TTC31: variants seen among roughly 807,000 people sequenced by gnomAD.
TTC31 encodes tetratricopeptide repeat protein 31.
A neutral mutation model predicts 60.4 loss-of-function variants in TTC31; 59 were observed. The observed-to-expected ratio is 0.98, with a 90% confidence interval of 0.79 to 1.21. The LOEUF (loss-of-function observed/expected upper bound fraction) is 1.21. TTC31 is among the 50% of genes most tolerant of loss of function. The pLI is 0.00. For synonymous variants in TTC31, 225 were observed against 249.6 expected (o/e 0.90, Z 0.93); for missense variants, 672 against 646.9 (o/e 1.04, Z -0.42).
In TTC31 at chr2:74,486,616, AGT is replaced by A. The variant is rs549412933; in HGVS notation, c.129+3210_129+3211del. ...CCTTCTAAAAGTAGTGGTCAGGCCA[AGT>A]GTGGTGGCTCACGCCTGTAATCCCA... On this transcript the variant is annotated intron_variant, in intron 2 of 12. Transcript: ENST00000233623. Among the ~76,000 whole-genome samples, 446 of 152,150 alleles carry A rather than the reference AGT, an allele frequency of 2.9e-3. 2 individuals are homozygous for A. Among genetic ancestry groups the A allele is most frequent in the African/African-American group, 0.01 (433 of 41,520 alleles).
intron 11 of TTC31, 88 bp from the exon 12 acceptor site, chr2:74,492,558 G>C: frequency 3.2e-6 from 5 of 1,565,126 alleles, no homozygotes; most frequent in Non-Finnish European, 4.4e-6. Flanking sequence ...AATGGTTGTG[G>C]TACTAGGAGC....
intron 8 of TTC31, 127 bp from the exon 9 acceptor site, chr2:74,491,877 G>C (rs1673936162): frequency 3.3e-6 from 5 of 1,508,138 alleles, no homozygotes; most frequent in South Asian, 1.2e-5. Context: ...ATACCATCTT[G>C]TAGGGCTGTC....
chr2:74,491,503 C>G lies in TTC31; in HGVS notation c.707C>G (p.Thr236Ser). ...CAGGACTCACTGGATCTATCTAGCA[C>G]TTTTGTGTCTCTGGCTTTGCGCAAG... ...EEEDSLDLSS[T>S]FVSLALRKVG... Residue 236 changes from threonine to serine, a missense_variant, in exon 8 of 13, where the codon ACT becomes AGT. Transcript: ENST00000233623. 6.2e-7 allele frequency: 1 copy of G among 1,613,156 alleles called. No individual in the cohort carries two copies. The highest frequency in any genetic ancestry group is 8.5e-7 in the Non-Finnish European group (1 of 1,179,616).
intron 2 of TTC31, 52 bp from the exon 3 acceptor site, chr2:74,489,973 T>C: frequency 7.4e-7 from 1 of 1,356,032 alleles, no homozygotes; most frequent in South Asian, 1.3e-5. Flanking sequence ...CCTTGCTCTC[T>C]CCAGGAACTG....
At chr2:74,488,383 A>G (rs772022692) in intron 2 of TTC31, among the ~76,000 whole-genome samples, 3 of 152,196 alleles carry the variant, frequency 2.0e-5, no homozygotes, top group African/African-American at 4.8e-5. Flanking sequence ...CTTCTAACTC[A>G]ATAAGTCCAA....
Position 74,490,145 on chromosome 2 carries a change from C to T in TTC31, c.232+18C>T, listed in dbSNP as rs563430635. 1.0e-4 allele frequency: 164 copies of T among 1,605,794 alleles called. No individual in the cohort carries two copies. Among genetic ancestry groups the T allele is most frequent in the South Asian group, 9.3e-4 (84 of 90,170 alleles). On this transcript the variant is annotated intron_variant, in intron 3 of 12. Coordinates refer to ENST00000233623, the MANE Select transcript of TTC31 (RefSeq NM_022492.6). ...GCACCATGGTGGGGAGTGCAGGGAC[C>T]GGGCCCAGGGATCGAGGCTGGTACC...
chr2:74,493,239 G>T lies in TTC31; in HGVS notation c.*21G>T, dbSNP rs545843734. On this transcript the variant is annotated 3_prime_UTR_variant, in exon 13 of 13. Coordinates refer to ENST00000233623, the MANE Select transcript of TTC31 (RefSeq NM_022492.6). ...GATGAGGGGGCACCGGTCCCTCATA[G>T]GGCAGGGCCATGTATATATCCCTTG... 6.2e-7 allele frequency: 1 copy of T among 1,611,816 alleles called. No homozygotes were observed. The highest frequency in any genetic ancestry group is 8.5e-7 in the Non-Finnish European group (1 of 1,178,356).
intron 2 of TTC31, among the ~76,000 whole-genome samples, chr2:74,485,469 C>CTTTTTTT (rs367876253): frequency 8.7e-6 from 1 of 115,300 alleles, no homozygotes. Context: ...AGCAGTATTT[C>CTTTTTTT]TTTTTTTTTT....
Position 74,490,731 on chromosome 2 carries a change from A to C in TTC31, c.538A>C (p.Lys180Gln), listed in dbSNP as rs780287674. ...ACAGAAAGCAGAGAAAAAGCGACTCAAGAAGAAGGTGGCTAGAGCATGGCT... is the reference window on the plus strand; with the variant it reads ...ACAGAAAGCAGAGAAAAAGCGACTCCAGAAGAAGGTGGCTAGAGCATGGCT... ...MKQKAEKKRLKKKRQKERKRQ... is the reference protein window; with the variant it reads ...MKQKAEKKRLQKKRQKERKRQ... The change falls in exon 5 of 13, where the codon AAG (lysine) becomes CAG (glutamine). Residue 180 changes from lysine to glutamine, a missense_variant. Lys to Gln is a moderately conservative substitution (Grantham distance 53). Coordinates refer to ENST00000233623, the MANE Select transcript of TTC31 (RefSeq NM_022492.6). 2.5e-6 allele frequency: 4 copies of C among 1,612,984 alleles called. No individual in the cohort carries two copies. The highest frequency in any genetic ancestry group is 3.4e-6 in the Non-Finnish European group (4 of 1,179,538).
chr2:74,486,050 G>C (rs1673073413), intron 2 of TTC31, among the ~76,000 whole-genome samples: 1 of 151,892 alleles, frequency 6.6e-6, no homozygotes, highest in South Asian at 2.1e-4. Flanking sequence ...GGCGGATCAT[G>C]AGGTCAGGAG....
chr2:74,485,659 A>G (rs1673020505), intron 2 of TTC31, among the ~76,000 whole-genome samples: 1 of 149,306 alleles, frequency 6.7e-6, no homozygotes, highest in South Asian at 2.1e-4. Context: ...TTTAGTAGAG[A>G]CAGGGTTTCA....
intron 2 of TTC31, among the ~76,000 whole-genome samples, chr2:74,489,142 C>A (rs1673510439): frequency 6.6e-6 from 1 of 152,156 alleles, no homozygotes; most frequent in Non-Finnish European, 1.5e-5. Flanking sequence ...ATGAGGAGAG[C>A]AATAGAAAGC....
rs772372624 is a variant in TTC31, at chr2:74,492,984, C to T, written c.1326C>T (p.Pro442=). The part of the protein sequence containing the change: ...PLSPGALQPL[P]HAELAPSGLP... ...CACCTGGGGCCCTCCAGCCACTTCCCCATGCTGAGCTGGCACCCTCAGGCC... is the reference window on the plus strand; with the variant it reads ...CACCTGGGGCCCTCCAGCCACTTCCTCATGCTGAGCTGGCACCCTCAGGCC... The change falls in exon 13 of 13, where the codon CCC becomes CCT. Residue 442 remains proline (P), a synonymous_variant. Coordinates refer to ENST00000233623, the MANE Select transcript of TTC31 (RefSeq NM_022492.6). 6.2e-7 allele frequency: 1 copy of T among 1,614,072 alleles called. No individual in the cohort carries two copies. Among genetic ancestry groups the T allele is most frequent in the East Asian group, 2.2e-5 (1 of 44,882 alleles).
In TTC31 at chr2:74,488,657, A is replaced by G. The variant is rs527933896; in HGVS notation, c.130-1368A>G. Among the ~76,000 whole-genome samples, 95 of 152,322 alleles carry G rather than the reference A, an allele frequency of 6.2e-4. 1 individual carries two copies. The highest frequency in any genetic ancestry group is 2.1e-3 in the African/African-American group (88 of 41,570). ...TGAAAATTTGGACAAGCTGGACATG[A>G]TGGTGCAAACCTGAAGTCCCATCTA... On this transcript the variant is annotated intron_variant, in intron 2 of 12. Coordinates refer to ENST00000233623, the MANE Select transcript of TTC31 (RefSeq NM_022492.6).
intron 4 of TTC31, 72 bp from the exon 5 acceptor site, chr2:74,490,584 C>T: frequency 6.4e-7 from 1 of 1,558,006 alleles, no homozygotes; most frequent in Non-Finnish European, 8.8e-7. Flanking sequence ...TCTATACTGC[C>T]TGCCCCCTTT....
chr2:74,490,338 C>A lies in TTC31; in HGVS notation c.327C>A (p.Leu109=), dbSNP rs147488288. The A allele has an allele frequency of 1.9e-6, 3 of 1,614,130 alleles. No individual in the cohort carries two copies. Among genetic ancestry groups the A allele is most frequent in the African/African-American group, 2.7e-5 (2 of 75,022 alleles). The part of the protein sequence containing the change: ...GAEGLGTYCG[L]RKSFLYPPQE... ...AGGGACTGGGCACCTACTGTGGTCT[C>A]CGCAAGTCCTTCCTGTATCCTCCCC... Residue 109 remains leucine, a synonymous_variant, in exon 4 of 13, where the codon CTC becomes CTA. Coordinates refer to ENST00000233623, the MANE Select transcript of TTC31 (RefSeq NM_022492.6).
At position 74,490,489 on chromosome 2, in the gene TTC31, G is replaced by T; in HGVS notation, c.462+16G>T. On this transcript the variant is annotated intron_variant, in intron 4 of 12. Coordinates refer to ENST00000233623, the MANE Select transcript of TTC31 (RefSeq NM_022492.6). ...GACAGAAGAGGTGAGATTCTCAGGA[G>T]AGGGCTTTGCCGTCCCCCAGGGTTC... 1 of 1,587,740 alleles carries T rather than the reference G, an allele frequency of 6.3e-7. No individual in the cohort carries two copies. The highest frequency in any genetic ancestry group is 8.6e-7 in the Non-Finnish European group (1 of 1,166,370).
At position 74,490,474 on chromosome 2, in the gene TTC31, G is replaced by A; in HGVS notation, c.462+1G>A. On this transcript the variant is annotated splice_donor_variant, in intron 4 of 12. Coordinates refer to ENST00000233623, the MANE Select transcript of TTC31 (RefSeq NM_022492.6). LOFTEE classifies it high-confidence loss of function. ...CCAGAAGCTCCTGGTGACAGAAGAG[G>A]TGAGATTCTCAGGAGAGGGCTTTGC... 1 of 1,603,472 alleles carries A rather than the reference G, an allele frequency of 6.2e-7. No individual in the cohort carries two copies. Among genetic ancestry groups the A allele is most frequent in the East Asian group, 2.3e-5 (1 of 44,324 alleles).
Position 74,490,699 on chromosome 2 carries a change from G to A in TTC31, c.506G>A (p.Arg169His), listed in dbSNP as rs1477342893. The stretch of plus-strand genomic sequence containing the variant: ...GAGGAGCTGGTGGCTGAGGAGGAGC[G>A]CATGAAACAGAAAGCAGAGAAAAAG... ...LAEELVAEEERMKQKAEKKRL... is the reference protein window; with the variant it reads ...LAEELVAEEEHMKQKAEKKRL... The change falls in exon 5 of 13, where the codon CGC (arginine) becomes CAC (histidine). Residue 169 changes from arginine to histidine, a missense_variant. Arg to His is a conservative substitution (Grantham distance 29). Coordinates refer to ENST00000233623, the MANE Select transcript of TTC31 (RefSeq NM_022492.6). 12 of 1,610,986 alleles carry A rather than the reference G, an allele frequency of 7.4e-6. No individual in the cohort carries two copies. The highest frequency in any genetic ancestry group is 5.0e-5 in the Admixed American group (3 of 59,880).
Sources: allele counts gnomAD v4.1 joint callset (sites outside exome capture counted in the v4.1 genomes callset), GRCh38; gene constraint gnomAD v4.1.1; transcripts MANE v1.5; gene names NCBI Gene and HGNC (gene_info 2026-07-23, HGNC 2026-07-21).